The following ZBBX variants were observed in gnomAD, a reference collection of about 807,000 sequenced individuals.
The protein encoded by ZBBX is zinc finger B-box domain-containing protein 1.
ZBBX carries 101 observed loss-of-function variants against 108.5 expected under a neutral mutation model. That is an observed-to-expected ratio of 0.93 (90% CI 0.79 to 1.10). The LOEUF is 1.10. Ranked by LOEUF, ZBBX falls within the 50% of genes least tolerant of loss-of-function variation. ZBBX has a pLI of 0.00. For synonymous variants in ZBBX, 356 were observed against 323.4 expected (o/e 1.10, Z -1.08); for missense variants, 1,009 against 941.4 (o/e 1.07, Z -0.94).
intron 4 of ZBBX, among the ~76,000 whole-genome samples, chr3:167,371,467 C>T (rs1746147146): frequency 6.6e-6 from 1 of 152,296 alleles, no homozygotes; most frequent in East Asian, 1.9e-4. Context: ...ACACATCACA[C>T]CATGCTTCAT....
intron 21 of ZBBX, among the ~76,000 whole-genome samples, chr3:167,241,849 G>T (rs1256805899): frequency 6.6e-6 from 1 of 152,060 alleles, no homozygotes; most frequent in African/African-American, 2.4e-5. Context: ...TTCAATCAAA[G>T]AAATTTACAA....
the ZBBX span, among the ~76,000 whole-genome samples, chr3:167,226,097 A>G: frequency 6.7e-6 from 1 of 150,094 alleles, no homozygotes; most frequent in African/African-American, 2.5e-5. Flanking sequence ...AAAAAAAAAG[A>G]AAAAAAAACC....
chr3:167,256,046 A>T (rs901938033), intron 20 of ZBBX, among the ~76,000 whole-genome samples: 2 of 152,140 alleles, frequency 1.3e-5, no homozygotes, highest in African/African-American at 2.4e-5. Context: ...CAAATAAGTG[A>T]TAACATGCAA....
chr3:167,313,404 T>C (rs1242672337), intron 16 of ZBBX, among the ~76,000 whole-genome samples: 2 of 152,204 alleles, frequency 1.3e-5, no homozygotes, highest in East Asian at 1.9e-4. Flanking sequence ...GCCTTCTGAG[T>C]AGCTGGGATT....
the ZBBX span, among the ~76,000 whole-genome samples, chr3:167,183,165 A>C: frequency 1.3e-5 from 2 of 152,080 alleles, no homozygotes; most frequent in African/African-American, 4.8e-5. Context: ...TGGCAAACAA[A>C]CCTGCTCTGT....
chr3:167,187,667 A>G, the ZBBX span, among the ~76,000 whole-genome samples: 1 of 152,332 alleles, frequency 6.6e-6, no homozygotes, highest in Non-Finnish European at 1.5e-5. Flanking sequence ...GGCAGCTCCA[A>G]TTAGCATTTG....
the ZBBX span, among the ~76,000 whole-genome samples, chr3:167,216,046 C>A: frequency 1.3e-5 from 2 of 152,156 alleles, no homozygotes; most frequent in Non-Finnish European, 2.9e-5. Flanking sequence ...AAGCTAGAAG[C>A]ATTTCCCTTG....
At chr3:167,234,649 T>C in the ZBBX span, among the ~76,000 whole-genome samples, 1 of 151,806 alleles carries the variant, frequency 6.6e-6, no homozygotes, top group Non-Finnish European at 1.5e-5. Flanking sequence ...TAATGGAAAA[T>C]TCTTGTATAC....
chr3:167,271,173 TGG>T (rs2108471878), intron 20 of ZBBX, among the ~76,000 whole-genome samples: 1 of 151,152 alleles, frequency 6.6e-6, no homozygotes, highest in African/African-American at 2.4e-5. Context: ...GCCTTTGGGG[TGG>T]CCCATACATT....
intron 9 of ZBBX, among the ~76,000 whole-genome samples, chr3:167,336,316 A>G (rs1429568409): frequency 6.6e-6 from 1 of 152,064 alleles, no homozygotes. Context: ...AACTGATAAA[A>G]TAGAATTCCA....
At chr3:167,200,810 C>T in the ZBBX span, among the ~76,000 whole-genome samples, 1 of 152,202 alleles carries the variant, frequency 6.6e-6, no homozygotes, top group African/African-American at 2.4e-5. Context: ...AAGTATGTGC[C>T]ATCAAAGTGT....
chr3:167,218,202 C>T, the ZBBX span, among the ~76,000 whole-genome samples: 5 of 151,982 alleles, frequency 3.3e-5, no homozygotes, highest in African/African-American at 9.7e-5. Flanking sequence ...CAACAAACCC[C>T]CATGACATGT....
At chr3:167,285,145 C>T (rs182925899) in intron 19 of ZBBX, among the ~76,000 whole-genome samples, 12 of 151,968 alleles carry the variant, frequency 7.9e-5, no homozygotes, top group African/African-American at 2.7e-4. Flanking sequence ...TCTATGATTA[C>T]TAATAAAACT....
At chr3:167,382,266 TA>T (rs1747778863), upstream of ZBBX, among the ~76,000 whole-genome samples, 1 of 152,014 alleles carries the variant, frequency 6.6e-6, no homozygotes, top group Non-Finnish European at 1.5e-5. Flanking sequence ...CATAGTAAAA[TA>T]AAAAGTATGA....
chr3:167,199,605 G>A, the ZBBX span, among the ~76,000 whole-genome samples: 14 of 152,278 alleles, frequency 9.2e-5, no homozygotes, highest in African/African-American at 3.4e-4. Context: ...GGTAATGCAA[G>A]AGACCAGTGG....
chr3:167,383,155 T>A (rs1747803357), upstream of ZBBX, among the ~76,000 whole-genome samples: 4 of 152,108 alleles, frequency 2.6e-5, 1 homozygote, highest in South Asian at 8.3e-4. Flanking sequence ...ATATCATATC[T>A]GCAGCTTTCC....
At chr3:167,201,695 C>T in the ZBBX span, among the ~76,000 whole-genome samples, 6 of 151,996 alleles carry the variant, frequency 3.9e-5, no homozygotes, top group Non-Finnish European at 4.4e-5. Flanking sequence ...TAACAGGGTG[C>T]GTCAAACTCC....
intron 10 of ZBBX, among the ~76,000 whole-genome samples, chr3:167,330,761 GAAGAAGAA>G (rs1338444546): frequency 2.8e-5 from 4 of 140,522 alleles, no homozygotes; most frequent in African/African-American, 5.3e-5. Flanking sequence ...CTCACATGAA[GAAGAAGAA>G]AAGAAGAAAA....
the ZBBX span, among the ~76,000 whole-genome samples, chr3:167,194,175 C>A: frequency 3.3e-5 from 5 of 150,330 alleles, no homozygotes; most frequent in South Asian, 1.0e-3. Flanking sequence ...ATCCCAAATA[C>A]CCTGATTAAT....
Sources: allele counts gnomAD v4.1 joint callset (sites outside exome capture counted in the v4.1 genomes callset), GRCh38; gene constraint gnomAD v4.1.1; transcripts MANE v1.5; gene names NCBI Gene and HGNC (gene_info 2026-07-23, HGNC 2026-07-21).